CARMIL1: variants seen among roughly 807,000 people sequenced by gnomAD.
CARMIL1 encodes the protein F-actin-uncapping protein LRRC16A.
CARMIL1 carries 90 observed loss-of-function variants against 177.1 expected under a neutral mutation model. That is an observed-to-expected ratio of 0.51 (90% CI 0.43 to 0.61). The LOEUF is 0.61. CARMIL1 is among the 20% of genes least tolerant of loss of function. The pLI, the probability that CARMIL1 is intolerant of heterozygous loss-of-function variation, is 0.00. For synonymous variants in CARMIL1, 577 were observed against 606.2 expected, an observed-to-expected ratio of 0.95 and a Z score of 0.71; for missense variants, 1,380 against 1,667.0, an observed-to-expected ratio of 0.83 and a Z score of 3.00.
chr6:25,605,866 C>T (rs1407785474), intron 34 of CARMIL1, among the ~76,000 whole-genome samples, 195 bp from the exon 35 acceptor site: 1 of 152,170 alleles, frequency 6.6e-6, no homozygotes, highest in Non-Finnish European at 1.5e-5. Context: ...TATTGCTTTT[C>T]TACAAAGAAC....
chr6:25,440,456 C>T (rs1220334780), intron 5 of CARMIL1, among the ~76,000 whole-genome samples: 1 of 152,198 alleles, frequency 6.6e-6, no homozygotes, highest in Admixed American at 6.5e-5. Context: ...CTTTTCTACC[C>T]AACACACACA....
At chr6:25,410,012 A>G (rs1278891617) in intron 2 of CARMIL1, among the ~76,000 whole-genome samples, 1 of 151,930 alleles carries the variant, frequency 6.6e-6, no homozygotes. Flanking sequence ...CTTATTTTTT[A>G]TTCTCTGAAT....
chr6:25,397,527 C>T (rs1173930845), intron 2 of CARMIL1, among the ~76,000 whole-genome samples: 4 of 152,050 alleles, frequency 2.6e-5, no homozygotes, highest in South Asian at 2.1e-4. Context: ...AAGTTGTGGC[C>T]GTAGCTGCCA....
At chr6:25,488,995 T>A (rs1371204036) in intron 13 of CARMIL1, among the ~76,000 whole-genome samples, 1 of 152,034 alleles carries the variant, frequency 6.6e-6, no homozygotes, top group Non-Finnish European at 1.5e-5. Context: ...TGAAACCCCA[T>A]CTCTACTAAA....
intron 2 of CARMIL1, among the ~76,000 whole-genome samples, chr6:25,365,673 C>A (rs115869907): frequency 0.052 from 7,929 of 152,276 alleles, 272 homozygotes; most frequent in Non-Finnish European, 0.087. Flanking sequence ...CTGCCTCAAC[C>A]TCCTGAGTAG....
intron 2 of CARMIL1, among the ~76,000 whole-genome samples, chr6:25,417,736 T>G (rs1562109525): frequency 6.6e-6 from 1 of 152,192 alleles, no homozygotes; most frequent in Non-Finnish European, 1.5e-5. Flanking sequence ...ATACTCTTCT[T>G]AAGGACCTTT....
Position 25,503,350 on chromosome 6 carries a change from GT to G in CARMIL1, c.1395+3120del, listed in dbSNP as rs1409562869. 3.9e-5 allele frequency among the ~76,000 whole-genome samples: 6 copies of G among 152,124 alleles called. No homozygotes were observed. The South Asian group carries it at 1.0e-3, about 26-fold the overall frequency. ...ATGAAAGTTGGTAAAACACAAAATT[GT>G]TTTTCTAAACTATGTTATAGTGTTT... is the stretch of plus-strand genomic sequence containing the variant. On this transcript the variant is annotated intron_variant, in intron 17 of 36. Transcript: ENST00000329474.
chr6:25,546,376 T>C (rs922614798), intron 26 of CARMIL1, among the ~76,000 whole-genome samples: 1 of 152,116 alleles, frequency 6.6e-6, no homozygotes, highest in African/African-American at 2.4e-5. Context: ...ATTGAATTTG[T>C]GTGATAAGGT....
intron 17 of CARMIL1, among the ~76,000 whole-genome samples, chr6:25,500,926 T>C: frequency 6.8e-6 from 1 of 147,346 alleles, no homozygotes; most frequent in East Asian, 2.0e-4. Context: ...CGCCCGGCTA[T>C]TTTTTTTTTG....
At chr6:25,501,053 C>T (rs1213003132) in intron 17 of CARMIL1, among the ~76,000 whole-genome samples, 3 of 152,236 alleles carry the variant, frequency 2.0e-5, no homozygotes, top group South Asian at 4.2e-4. Flanking sequence ...TGAGCCACTG[C>T]GCCCAGCCTA....
At chr6:25,528,964 C>A in intron 24 of CARMIL1, 71 bp downstream of exon 24, 2 of 1,179,570 alleles carry the variant, frequency 1.7e-6, no homozygotes, top group Non-Finnish European at 2.4e-6. Flanking sequence ...GGACTTCTAG[C>A]ATTCGAGTAA....
At chr6:25,602,616 C>G (rs1281371531) in intron 33 of CARMIL1, among the ~76,000 whole-genome samples, 2 of 152,126 alleles carry the variant, frequency 1.3e-5, no homozygotes, top group Non-Finnish European at 2.9e-5. Flanking sequence ...AAAATTCTTG[C>G]TATTTAAAAT....
At chr6:25,330,315 A>G (rs1024702948) in intron 2 of CARMIL1, among the ~76,000 whole-genome samples, 1 of 152,168 alleles carries the variant, frequency 6.6e-6, no homozygotes, top group Admixed American at 6.5e-5. Context: ...AGTGATGACA[A>G]GAGGGAGAGG....
At chr6:25,347,389 A>T (rs111926501) in intron 2 of CARMIL1, among the ~76,000 whole-genome samples, 1 of 152,344 alleles carries the variant, frequency 6.6e-6, no homozygotes, top group African/African-American at 2.4e-5. Flanking sequence ...ATTGCATGTA[A>T]CTATAAAGCA....
chr6:25,464,264 T>C (rs301397), intron 8 of CARMIL1, among the ~76,000 whole-genome samples: 109,966 of 151,944 alleles, frequency 0.72, 39,906 homozygotes, highest in South Asian at 0.86. Flanking sequence ...TTTTCTACTA[T>C]CTGTGGGCAC....
chr6:25,403,220 A>C (rs1259643236), intron 2 of CARMIL1, among the ~76,000 whole-genome samples: 2 of 152,124 alleles, frequency 1.3e-5, no homozygotes, highest in African/African-American at 4.8e-5. Flanking sequence ...CCTTAGCAAA[A>C]TAACTAGTTT....
chr6:25,317,128 G>GT (rs562670744), intron 2 of CARMIL1, among the ~76,000 whole-genome samples: 9 of 151,980 alleles, frequency 5.9e-5, no homozygotes, highest in Non-Finnish European at 1.0e-4. Context: ...GAGTTAGGGT[G>GT]TTTTTTTCCT....
At position 25,540,007 on chromosome 6, in the gene CARMIL1, T is replaced by A. The variant is rs755694774; in HGVS notation, c.2257T>A (p.Ser753Thr). The A allele has an allele frequency of 6.2e-7, 1 of 1,609,116 alleles. No homozygotes were observed. Among genetic ancestry groups the A allele is most frequent in the African/African-American group, 1.3e-5 (1 of 74,706 alleles). Residue 753 changes from serine to threonine, a missense_variant, in exon 26 of 37, where the codon TCC (serine) becomes ACC (threonine). Transcript: ENST00000329474. ...TTGGGCGGGAGCCAGTGGCTTACTA[T>A]CCAGTCCAATTCAGGAGACCCTGGA... ...ASWAGASGLL[S>T]SPIQETLESM...
chr6:25,419,826 T>A (rs1562112096), intron 2 of CARMIL1, among the ~76,000 whole-genome samples: 1 of 152,204 alleles, frequency 6.6e-6, no homozygotes, highest in East Asian at 1.9e-4. Flanking sequence ...CAGAGACCTG[T>A]TTTACTTAAT....
Sources: allele counts gnomAD v4.1 joint callset (sites outside exome capture counted in the v4.1 genomes callset), GRCh38; gene constraint gnomAD v4.1.1; transcripts MANE v1.5; gene names NCBI Gene and HGNC (gene_info 2026-07-23, HGNC 2026-07-21).